Variants in NCALD observed in about 807,000 individuals in gnomAD.
The protein encoded by NCALD is neurocalcin-delta.
Under a neutral mutation model 18.6 loss-of-function variants are expected in NCALD, and 10 were observed. That is an observed-to-expected ratio of 0.54 (90% CI 0.33 to 0.91). NCALD has a LOEUF of 0.91. NCALD is among the 40% of genes least tolerant of loss of function. The pLI, the probability that NCALD is intolerant of heterozygous loss-of-function variation, is 0.03. For synonymous variants in NCALD, 88 were observed against 87.4 expected, an observed-to-expected ratio of 1.01 and a Z score of -0.04; for missense variants, 184 against 247.6, an observed-to-expected ratio of 0.74 and a Z score of 1.72.
At chr8:102,060,252 A>G (rs1266674270) in intron 1 of NCALD, among the ~76,000 whole-genome samples, 2 of 152,148 alleles carry the variant, frequency 1.3e-5, no homozygotes, top group African/African-American at 4.8e-5. Context: ...AAATGCTGGG[A>G]TTACAGGCAT....
chr8:101,928,171 A>G (rs1294232843), intron 2 of NCALD, among the ~76,000 whole-genome samples: 1 of 152,134 alleles, frequency 6.6e-6, no homozygotes, highest in Non-Finnish European at 1.5e-5. Context: ...CAATCTCTCA[A>G]TGATCGCGCG....
chr8:102,073,559 C>A (rs1824248202), intron 1 of NCALD, among the ~76,000 whole-genome samples: 1 of 151,368 alleles, frequency 6.6e-6, no homozygotes, highest in Non-Finnish European at 1.5e-5. Flanking sequence ...GCATGGATTA[C>A]CTAAAATTTA....
intron 1 of NCALD, among the ~76,000 whole-genome samples, chr8:101,722,871 C>T (rs576719317): frequency 6.6e-6 from 1 of 152,178 alleles, no homozygotes; most frequent in Non-Finnish European, 1.5e-5. Context: ...AACGAGTGTT[C>T]ACAATTAAGC....
intron 4 of NCALD, among the ~76,000 whole-genome samples, chr8:101,844,409 G>A (rs1265439699): frequency 1.3e-5 from 2 of 150,928 alleles, no homozygotes; most frequent in African/African-American, 4.9e-5. Flanking sequence ...GATACAGGCT[G>A]GAGTGCAGTG....
At chr8:102,032,366 T>C (rs1312858524) in intron 1 of NCALD, among the ~76,000 whole-genome samples, 2 of 152,040 alleles carry the variant, frequency 1.3e-5, no homozygotes, top group Non-Finnish European at 2.9e-5. Context: ...GACTTGGATA[T>C]GTTTTGCATA....
intron 3 of NCALD, chr8:101,692,132 G>A: frequency 1.0e-6 from 1 of 983,922 alleles, no homozygotes; most frequent in Non-Finnish European, 1.2e-6. Context: ...TGGGCCTCCT[G>A]TATTCTATCT....
intron 2 of NCALD, among the ~76,000 whole-genome samples, chr8:101,714,763 G>C (rs988555938): frequency 1.1e-4 from 17 of 150,338 alleles, no homozygotes; most frequent in Non-Finnish European, 7.4e-5. Context: ...TTGGGAGGCC[G>C]AGGCGGGTGG....
At chr8:101,812,753 G>A (rs961069757) in intron 4 of NCALD, among the ~76,000 whole-genome samples, 2 of 152,182 alleles carry the variant, frequency 1.3e-5, no homozygotes, top group Non-Finnish European at 2.9e-5. Flanking sequence ...GGAGTTCCCA[G>A]TTACAGTCTC....
At chr8:101,760,034 C>A (rs372966066) in intron 1 of NCALD, among the ~76,000 whole-genome samples, 155 of 152,266 alleles carry the variant, frequency 1.0e-3, no homozygotes, top group African/African-American at 3.7e-3. Flanking sequence ...GGGCAATAAA[C>A]AAGCTGACCC....
At chr8:101,815,673 A>G (rs1208598852) in intron 4 of NCALD, among the ~76,000 whole-genome samples, 1 of 152,204 alleles carries the variant, frequency 6.6e-6, no homozygotes, top group East Asian at 1.9e-4. Context: ...ATGTGGAGCA[A>G]CAGAAACTCT....
At chr8:102,052,503 T>C (rs1823490043) in intron 1 of NCALD, among the ~76,000 whole-genome samples, 1 of 152,242 alleles carries the variant, frequency 6.6e-6, no homozygotes, top group Non-Finnish European at 1.5e-5. Context: ...CAAAAGTATT[T>C]TCACTTATGT....
intron 4 of NCALD, among the ~76,000 whole-genome samples, chr8:101,821,881 T>TAAAAAAAAAAA (rs370878560): frequency 5.1e-5 from 6 of 116,514 alleles, no homozygotes; most frequent in Admixed American, 2.8e-4. Context: ...GGGTTCTAAG[T>TAAAAAAAAAAA]AAAAAAAAAA....
chr8:102,120,969 T>C (rs1428496972), intron 1 of NCALD, among the ~76,000 whole-genome samples: 1 of 152,214 alleles, frequency 6.6e-6, no homozygotes, highest in African/African-American at 2.4e-5. Context: ...GTAAAGACTA[T>C]TCCCTAATCC....
chr8:101,710,919 G>A (rs1815757342), intron 2 of NCALD, among the ~76,000 whole-genome samples: 1 of 152,168 alleles, frequency 6.6e-6, no homozygotes, highest in South Asian at 2.1e-4. Flanking sequence ...CTCTGCTAAG[G>A]GACAGACTGC....
At chr8:102,092,629 G>A (rs558382944) in intron 1 of NCALD, among the ~76,000 whole-genome samples, 2 of 152,276 alleles carry the variant, frequency 1.3e-5, no homozygotes, top group South Asian at 4.1e-4. Flanking sequence ...TCCTGTCACA[G>A]CAACAAGCCT....
chr8:102,108,605 A>C (rs1825549163), intron 1 of NCALD, among the ~76,000 whole-genome samples: 1 of 152,252 alleles, frequency 6.6e-6, no homozygotes, highest in East Asian at 1.9e-4. Context: ...TAAAAGTCTA[A>C]GGACGATAGC....
At chr8:101,767,957 G>A (rs372484669) in intron 1 of NCALD, among the ~76,000 whole-genome samples, 21 of 152,184 alleles carry the variant, frequency 1.4e-4, no homozygotes, top group African/African-American at 4.8e-4. Flanking sequence ...TATGTCAGGC[G>A]TGTGCCAAAA....
intron 1 of NCALD, among the ~76,000 whole-genome samples, chr8:102,089,423 GA>G (rs1824852472): frequency 6.6e-6 from 1 of 151,260 alleles, no homozygotes; most frequent in South Asian, 2.1e-4. Flanking sequence ...AAGAAAAAAA[GA>G]AAAGAAACTG....
chr8:102,072,238 C>T (rs1249586916), intron 1 of NCALD, among the ~76,000 whole-genome samples: 1 of 152,118 alleles, frequency 6.6e-6, no homozygotes, highest in Non-Finnish European at 1.5e-5. Context: ...TGAAATACCA[C>T]TACACATATC....
Sources: gnomAD v4.1 joint callset for allele counts (sites outside exome capture counted in the v4.1 genomes callset) on GRCh38, gnomAD v4.1.1 for gene constraint, MANE v1.5 for transcripts, NCBI Gene and HGNC (gene_info 2026-07-23, HGNC 2026-07-21) for gene names.